WWOX: variants seen among roughly 807,000 people sequenced by gnomAD.
The protein encoded by WWOX is WW domain containing oxidoreductase, also known as WW domain-containing oxidoreductase.
WWOX carries 69 observed loss-of-function variants against 46.2 expected under a neutral mutation model. The observed-to-expected ratio is 1.49, with a 90% CI of 1.23 to 1.82. The LOEUF (loss-of-function observed/expected upper bound fraction) is 1.82, where lower values mean the gene tolerates loss of function less well. Among genes scored for constraint, WWOX ranks in the 40% most tolerant of loss-of-function variants. WWOX has a pLI of 0.00. For synonymous variants in WWOX, 359 were observed against 202.6 expected (o/e 1.77, Z -6.56); for missense variants, 919 against 542.6 (o/e 1.69, Z -6.89).
chr16:78,297,659 A>C (rs1011210340), intron 5 of WWOX, among the ~76,000 whole-genome samples: 5 of 152,156 alleles, frequency 3.3e-5, no homozygotes, highest in African/African-American at 1.2e-4. Flanking sequence ...CAACTGTTGG[A>C]GACGGAGCAC....
chr16:79,063,925 G>A (rs960160603), intron 8 of WWOX, among the ~76,000 whole-genome samples: 6 of 152,102 alleles, frequency 3.9e-5, no homozygotes, highest in South Asian at 2.1e-4. Flanking sequence ...GCAAAAACTG[G>A]CAATTTTCAG....
At chr16:78,681,568 G>GGAA (rs2047730477) in intron 8 of WWOX, among the ~76,000 whole-genome samples, 1 of 151,340 alleles carries the variant, frequency 6.6e-6, no homozygotes, top group South Asian at 2.1e-4. Context: ...AAGGAAAAAG[G>GGAA]GAAGAAGCAA....
chr16:78,751,152 A>G (rs570487793), intron 8 of WWOX, among the ~76,000 whole-genome samples: 147 of 152,270 alleles, frequency 9.7e-4, no homozygotes, highest in African/African-American at 3.2e-3. Flanking sequence ...TCCAAAAAGA[A>G]TTTGACTCAA....
chr16:79,172,660 GTT>G lies in WWOX; in HGVS notation c.1057-38942_1057-38941del, dbSNP rs542305406. Among the ~76,000 whole-genome samples, 12 of 152,232 alleles carry G rather than the reference GTT, an allele frequency of 7.9e-5. No individual in the cohort carries two copies. The South Asian group carries it at 2.5e-3, about 32-fold the overall frequency. On this transcript the variant is annotated intron_variant, in intron 8 of 8. Coordinates refer to ENST00000566780, the MANE Select transcript of WWOX (RefSeq NM_016373.4). ...CAATGGCAAAGACAAACTGTGAGGT[GTT>G]TTTTTGTTTGTGTGCACGCGCACGT...
At chr16:78,686,401 G>C (rs898001849) in intron 8 of WWOX, among the ~76,000 whole-genome samples, 3 of 151,880 alleles carry the variant, frequency 2.0e-5, no homozygotes, top group African/African-American at 7.3e-5. Context: ...GTCCCAGCTA[G>C]TCGGGAGGCC....
In WWOX at chr16:78,708,760, G is replaced by A. The variant is rs147714082; in HGVS notation, c.1056+276008G>A. Among the ~76,000 whole-genome samples, 21 of 152,268 alleles carry A rather than the reference G, an allele frequency of 1.4e-4. 1 individual carries two copies. Among genetic ancestry groups the A allele is most frequent in the African/African-American group, 3.6e-4 (15 of 41,554 alleles). On this transcript the variant is annotated intron_variant, in intron 8 of 8. Transcript: ENST00000566780. ...TTAAAAAATTAAAAAGATACATGAC[G>A]TTGAAATCAGTGACAGAGGCATAAG...
chr16:78,477,066 A>G (rs1486830883), intron 8 of WWOX, among the ~76,000 whole-genome samples: 1 of 152,146 alleles, frequency 6.6e-6, no homozygotes, highest in African/African-American at 2.4e-5. Context: ...TTACCAGGTG[A>G]TCATCTTAGG....
At chr16:78,496,076 T>C (rs931455129) in intron 8 of WWOX, 1 of 152,206 alleles carries the variant, frequency 6.6e-6, no homozygotes, top group South Asian at 2.1e-4. Context: ...TGTACTTCTT[T>C]TAGGCTATTT....
At chr16:79,211,192 C>G (rs895801380) in intron 8 of WWOX, among the ~76,000 whole-genome samples, 1 of 152,092 alleles carries the variant, frequency 6.6e-6, no homozygotes, top group African/African-American at 2.4e-5. Flanking sequence ...GTTGGTTTGT[C>G]AGACAGAAGG....
intron 8 of WWOX, among the ~76,000 whole-genome samples, chr16:78,821,851 C>T (rs2051504993): frequency 6.6e-6 from 1 of 152,150 alleles, no homozygotes; most frequent in Non-Finnish European, 1.5e-5. Context: ...TAACAATTCT[C>T]ATCTCCAATT....
At chr16:79,158,688 C>CT (rs2050428864) in intron 8 of WWOX, among the ~76,000 whole-genome samples, 1 of 152,212 alleles carries the variant, frequency 6.6e-6, no homozygotes, top group South Asian at 2.1e-4. Flanking sequence ...CACCTGATTG[C>CT]TTTTTGTAAG....
intron 8 of WWOX, among the ~76,000 whole-genome samples, chr16:78,679,379 T>C (rs2738621): frequency 0.23 from 35,310 of 151,888 alleles, 6,773 homozygotes; most frequent in African/African-American, 0.53. Context: ...AGTAAAACCC[T>C]GTCTCTGCTA....
intron 5 of WWOX, among the ~76,000 whole-genome samples, chr16:78,217,930 A>G (rs79867992): frequency 2.4e-4 from 37 of 152,308 alleles, no homozygotes; most frequent in Non-Finnish European, 4.7e-4. Context: ...TTGGACACTC[A>G]TATGCTGGTT....
intron 8 of WWOX, among the ~76,000 whole-genome samples, chr16:78,729,320 C>T (rs1227835170): frequency 1.3e-5 from 2 of 150,994 alleles, no homozygotes; most frequent in Admixed American, 6.6e-5. Flanking sequence ...CCAGCCTGGG[C>T]AGCAGAGCAA....
intron 5 of WWOX, among the ~76,000 whole-genome samples, chr16:78,297,882 CTG>C (rs1239741350): frequency 6.6e-6 from 1 of 152,126 alleles, no homozygotes; most frequent in Non-Finnish European, 1.5e-5. Context: ...TATGGTCTGA[CTG>C]TGTGTCCCCA....
intron 8 of WWOX, among the ~76,000 whole-genome samples, chr16:78,783,944 CTGTTGGTGATGGTGATGCTGGTGA>C (rs2050393873): frequency 6.6e-6 from 1 of 150,898 alleles, no homozygotes; most frequent in African/African-American, 2.4e-5. Flanking sequence ...GATGCTGGTG[CTGTTGGTGATGGTGATGCTGGTGA>C]TGATGATAAT....
chr16:78,748,716 C>G (rs990608906), intron 8 of WWOX, among the ~76,000 whole-genome samples: 3 of 152,172 alleles, frequency 2.0e-5, no homozygotes, highest in African/African-American at 7.2e-5. Flanking sequence ...AAAGGGTTCC[C>G]TCATTCCCTC....
chr16:78,566,393 A>G (rs748211722), intron 8 of WWOX, among the ~76,000 whole-genome samples: 5 of 152,212 alleles, frequency 3.3e-5, no homozygotes, highest in Non-Finnish European at 7.3e-5. Flanking sequence ...AGAACATGGT[A>G]TCAGAACCAG....
chr16:79,168,062 T>G (rs2050629228), intron 8 of WWOX, among the ~76,000 whole-genome samples: 1 of 152,208 alleles, frequency 6.6e-6, no homozygotes, highest in Non-Finnish European at 1.5e-5. Context: ...GTCAGTACTT[T>G]ATTCTTTTTT....
Sources: allele counts gnomAD v4.1 joint callset (sites outside exome capture counted in the v4.1 genomes callset), GRCh38; gene constraint gnomAD v4.1.1; transcripts MANE v1.5; gene names NCBI Gene and HGNC (gene_info 2026-07-23, HGNC 2026-07-21).